CEP63: variants seen among roughly 807,000 people sequenced by gnomAD.
CEP63 encodes centrosomal protein of 63 kDa.
A neutral mutation model predicts 89.1 loss-of-function variants in CEP63; 84 were observed. That is an observed-to-expected ratio of 0.94 (90% confidence interval 0.79 to 1.13). The LOEUF (loss-of-function observed/expected upper bound fraction) is 1.13, where lower values mean the gene tolerates loss of function less well. Ranked by LOEUF, CEP63 falls within the 50% of genes most tolerant of loss-of-function variation. The pLI is 0.00. For synonymous variants in CEP63, 267 were observed against 272.5 expected (o/e 0.98, Z 0.20); for missense variants, 838 against 813.3 (o/e 1.03, Z -0.37).
intron 12 of CEP63, among the ~76,000 whole-genome samples, chr3:134,556,193 C>G (rs1463932835): frequency 1.3e-5 from 2 of 151,142 alleles, no homozygotes; most frequent in African/African-American, 4.9e-5. Flanking sequence ...CTAGGCAATA[C>G]CATTCAGGAC....
chr3:134,490,750 C>CT (rs1360617753), intron 1 of CEP63, among the ~76,000 whole-genome samples: 1 of 151,842 alleles, frequency 6.6e-6, no homozygotes, highest in Non-Finnish European at 1.5e-5. Context: ...AGTTTTGAGT[C>CT]TATCCTTCCA....
At chr3:134,651,135 C>T in the CEP63 span, 2 of 1,477,004 alleles carry the variant, frequency 1.4e-6, no homozygotes, top group South Asian at 2.7e-5. Flanking sequence ...CCAAACACGC[C>T]ATTAGGGCCC....
the CEP63 span, among the ~76,000 whole-genome samples, chr3:134,640,170 C>T: frequency 4.7e-5 from 7 of 149,920 alleles, no homozygotes; most frequent in South Asian, 1.1e-3. Context: ...TGAACCATTC[C>T]GAGCAATGAG....
At chr3:134,541,589 C>T (rs1376622472) in intron 6 of CEP63, among the ~76,000 whole-genome samples, 20 of 147,824 alleles carry the variant, frequency 1.4e-4, no homozygotes, top group Non-Finnish European at 2.4e-4. Flanking sequence ...AATCTCGGCT[C>T]GCTGCAACCT....
intron 2 of CEP63, among the ~76,000 whole-genome samples, chr3:134,497,206 C>T (rs1248300357): frequency 6.6e-6 from 1 of 152,122 alleles, no homozygotes; most frequent in Non-Finnish European, 1.5e-5. Context: ...ATATTTTCTC[C>T]CATTCTACAA....
the CEP63 span, among the ~76,000 whole-genome samples, chr3:134,773,217 G>A: frequency 6.6e-6 from 1 of 152,116 alleles, no homozygotes; most frequent in Non-Finnish European, 1.5e-5. Context: ...TCTATTTGCT[G>A]CCACCAGCAC....
chr3:134,539,642 C>T (rs540522473), intron 6 of CEP63, among the ~76,000 whole-genome samples: 3 of 151,998 alleles, frequency 2.0e-5, no homozygotes, highest in African/African-American at 7.3e-5. Context: ...TGAACAATGA[C>T]AGTAGAAAAC....
chr3:134,652,452 C>CT, the CEP63 span, among the ~76,000 whole-genome samples: 1 of 150,282 alleles, frequency 6.7e-6, no homozygotes, highest in African/African-American at 2.5e-5. Context: ...GCGCCCCCCC[C>CT]CACCACCCCA....
At chr3:134,648,238 T>C in the CEP63 span, among the ~76,000 whole-genome samples, 1 of 152,192 alleles carries the variant, frequency 6.6e-6, no homozygotes, top group Non-Finnish European at 1.5e-5. Flanking sequence ...GACCAGCTCG[T>C]TGGTGCTGCT....
chr3:134,573,649 T>C (rs960734640), intron 11 of CEP63, among the ~76,000 whole-genome samples: 3 of 152,230 alleles, frequency 2.0e-5, no homozygotes, highest in Non-Finnish European at 2.9e-5. Flanking sequence ...TTTTGGTTAC[T>C]GTAGCCTTGT....
chr3:134,664,614 C>T, the CEP63 span, among the ~76,000 whole-genome samples: 4 of 151,926 alleles, frequency 2.6e-5, no homozygotes, highest in African/African-American at 7.3e-5. Context: ...CATTTGTTTG[C>T]GTTTTCCTAG....
At position 134,532,197 on chromosome 3, in the gene CEP63, A is replaced by G. The variant is rs6439485; in HGVS notation, c.318+257A>G. ...ACCTGAAAGAAATAGAGCTGTTTTT[A>G]TGTAATACTGTGAAATACTTGATAC... On this transcript the variant is annotated intron_variant, in intron 4 of 14. Coordinates refer to ENST00000675561, the MANE Select transcript of CEP63 (RefSeq NM_001353108.3). Among the ~76,000 whole-genome samples, 152,147 of 152,342 alleles carry G rather than the reference A, an allele frequency of 1. 75,977 individuals carry two copies. The highest frequency in any genetic ancestry group is 1 in the Non-Finnish European group (68,038 of 68,038).
the CEP63 span, among the ~76,000 whole-genome samples, chr3:134,641,683 T>C: frequency 6.3e-4 from 96 of 152,272 alleles, no homozygotes; most frequent in African/African-American, 2.1e-3. Context: ...AAATTTCCTG[T>C]AGCTGCTATA....
intron 3 of CEP63, among the ~76,000 whole-genome samples, chr3:134,519,942 T>C (rs1947076044): frequency 6.6e-6 from 1 of 152,186 alleles, no homozygotes; most frequent in South Asian, 2.1e-4. Flanking sequence ...CTTAATCTAG[T>C]AAAATGGTAT....
intron 3 of CEP63, among the ~76,000 whole-genome samples, chr3:134,525,845 T>G (rs531414036): frequency 1.3e-5 from 2 of 152,204 alleles, no homozygotes; most frequent in Admixed American, 6.5e-5. Flanking sequence ...ACCTGATCTT[T>G]CTCTCTGGCT....
At chr3:134,547,505 A>G (rs770964108) in intron 9 of CEP63, 33 bp downstream of exon 9, 2 of 1,588,836 alleles carry the variant, frequency 1.3e-6, no homozygotes, top group Non-Finnish European at 1.7e-6. Flanking sequence ...CAAAAATTTC[A>G]AGTTGTTAAA....
At chr3:134,668,773 C>G in the CEP63 span, among the ~76,000 whole-genome samples, 46,889 of 151,974 alleles carry the variant, frequency 0.31, 8,922 homozygotes, top group East Asian at 0.6. Flanking sequence ...TTTTCACTTT[C>G]CATTTTTCCC....
chr3:134,574,775 T>C, intron 11 of CEP63: 1 of 603,184 alleles, frequency 1.7e-6, no homozygotes, highest in Non-Finnish European at 3.0e-6. Flanking sequence ...GGCTAATTTT[T>C]TATATTTTTT....
the CEP63 span, among the ~76,000 whole-genome samples, chr3:134,765,978 A>T: frequency 1.2e-4 from 18 of 152,180 alleles, no homozygotes; most frequent in Non-Finnish European, 2.5e-4. Context: ...CATTGAAGAC[A>T]TTGTATTTAT....
Sources: allele counts gnomAD v4.1 joint callset (sites outside exome capture counted in the v4.1 genomes callset), GRCh38; gene constraint gnomAD v4.1.1; transcripts MANE v1.5; gene names NCBI Gene and HGNC (gene_info 2026-07-23, HGNC 2026-07-21).